DIAPH3: variants seen among roughly 807,000 people sequenced by gnomAD.
DIAPH3 encodes the protein diaphanous related formin 3.
DIAPH3 carries 117 observed loss-of-function variants against 144.3 expected under a neutral mutation model. That is an observed-to-expected ratio of 0.81 (90% CI 0.70 to 0.95). DIAPH3 has a LOEUF of 0.95. Among genes scored for constraint, DIAPH3 ranks in the 40% least tolerant of loss-of-function variants. DIAPH3 has a pLI of 0.00. For missense variants in DIAPH3, 1,421 were observed against 1,412.7 expected, an observed-to-expected ratio of 1.01 and a Z score of -0.09; for synonymous variants, 519 against 488.9, an observed-to-expected ratio of 1.06 and a Z score of -0.81.
chr13:59,856,813 G>A (rs2139895622), intron 22 of DIAPH3, among the ~76,000 whole-genome samples: 1 of 151,394 alleles, frequency 6.6e-6, no homozygotes, highest in South Asian at 2.1e-4. Flanking sequence ...CCACATGGTT[G>A]TCTTCTATAA....
intron 5 of DIAPH3, among the ~76,000 whole-genome samples, chr13:60,035,172 A>G (rs1198726619): frequency 6.6e-6 from 1 of 152,208 alleles, no homozygotes; most frequent in East Asian, 1.9e-4. Context: ...AATTGAGCTG[A>G]GTAGCTCTTA....
intron 27 of DIAPH3, among the ~76,000 whole-genome samples, chr13:59,769,235 A>G (rs2038001554): frequency 6.6e-6 from 1 of 152,132 alleles, no homozygotes; most frequent in African/African-American, 2.4e-5. Flanking sequence ...ATCCTGAAAA[A>G]CACCAGTCAC....
At chr13:59,851,948 A>ATT (rs201849666) in intron 22 of DIAPH3, among the ~76,000 whole-genome samples, 1 of 147,736 alleles carries the variant, frequency 6.8e-6, no homozygotes, top group Non-Finnish European at 1.5e-5. Context: ...AACTAACTTT[A>ATT]TTTTTTTTTT....
intron 18 of DIAPH3, among the ~76,000 whole-genome samples, chr13:59,922,004 C>G (rs1433839013): frequency 1.3e-5 from 2 of 152,100 alleles, no homozygotes; most frequent in South Asian, 4.2e-4. Flanking sequence ...ATTCATCATT[C>G]TTTTATGATA....
chr13:60,133,397 T>C (rs1028142705), intron 1 of DIAPH3, among the ~76,000 whole-genome samples: 2 of 152,078 alleles, frequency 1.3e-5, no homozygotes, highest in African/African-American at 4.8e-5. Flanking sequence ...TGTGATGATT[T>C]TTCAGAAAAT....
At chr13:59,963,456 C>G (rs1474922192) in intron 17 of DIAPH3, among the ~76,000 whole-genome samples, 2 of 152,076 alleles carry the variant, frequency 1.3e-5, no homozygotes, top group Non-Finnish European at 2.9e-5. Context: ...ATTTGCTATA[C>G]TATTTATTTA....
At chr13:59,758,546 A>C (rs2037403732) in intron 27 of DIAPH3, among the ~76,000 whole-genome samples, 1 of 152,234 alleles carries the variant, frequency 6.6e-6, no homozygotes, top group African/African-American at 2.4e-5. Flanking sequence ...TGATCTGGTT[A>C]TACAGGCAAG....
At chr13:60,075,155 C>G (rs990152078) in intron 4 of DIAPH3, among the ~76,000 whole-genome samples, 9 of 152,098 alleles carry the variant, frequency 5.9e-5, no homozygotes, top group South Asian at 2.1e-4. Context: ...ACAAAAAATG[C>G]TCTCCATACC....
chr13:60,085,254 A>G (rs2057707806), intron 4 of DIAPH3, among the ~76,000 whole-genome samples: 1 of 152,128 alleles, frequency 6.6e-6, no homozygotes, highest in Non-Finnish European at 1.5e-5. Context: ...ACTAGTATGT[A>G]TGGTACTTGA....
At chr13:60,039,777 C>A (rs887378529) in intron 5 of DIAPH3, among the ~76,000 whole-genome samples, 6 of 151,998 alleles carry the variant, frequency 3.9e-5, no homozygotes, top group African/African-American at 1.4e-4. Context: ...ATTAGAAATT[C>A]TTTTTAGTCA....
intron 4 of DIAPH3, among the ~76,000 whole-genome samples, chr13:60,062,625 A>T (rs2056816588): frequency 6.6e-6 from 1 of 152,250 alleles, no homozygotes. Context: ...ACTGTGAAGG[A>T]ACTTGAACAA....
intron 25 of DIAPH3, among the ~76,000 whole-genome samples, chr13:59,792,960 C>T (rs1009159227): frequency 2.0e-5 from 3 of 152,208 alleles, no homozygotes; most frequent in Non-Finnish European, 4.4e-5. Context: ...ATTCAGCACT[C>T]CTCTGTGTTT....
At chr13:59,667,668 C>T (rs1431166068) in intron 27 of DIAPH3, among the ~76,000 whole-genome samples, 1 of 152,172 alleles carries the variant, frequency 6.6e-6, no homozygotes, top group Non-Finnish European at 1.5e-5. Context: ...TACATATATA[C>T]ATACACACAT....
intron 24 of DIAPH3, among the ~76,000 whole-genome samples, chr13:59,824,132 A>G (rs1003315806): frequency 2.0e-5 from 3 of 152,188 alleles, no homozygotes; most frequent in African/African-American, 7.2e-5. Flanking sequence ...CTATTTATTT[A>G]TTTCACAGTA....
rs11421911 is a variant in DIAPH3, at chr13:59,666,357, C to CAAAAA, written c.*222_*226dup. 9.9e-6 allele frequency: 3 copies of CAAAAA among 302,176 alleles called. No homozygotes were observed. Among genetic ancestry groups the CAAAAA allele is most frequent in the Non-Finnish European group, 1.7e-5 (3 of 178,030 alleles). The allele number at this position is 302,176 out of a possible 1,614,324, so 18.7% of individuals were successfully genotyped here. ...TAAAGAACTGAGGAATACCAGGAGA[C>CAAAAA]AAAAAAAAAAAAAAAAGGATTAAAG... On this transcript the variant is annotated 3_prime_UTR_variant, in exon 28 of 28. Coordinates refer to ENST00000400324, the MANE Select transcript of DIAPH3 (RefSeq NM_001042517.2).
chr13:59,969,108 A>G (rs766419962), intron 17 of DIAPH3, among the ~76,000 whole-genome samples: 4 of 152,214 alleles, frequency 2.6e-5, no homozygotes, highest in Non-Finnish European at 5.9e-5. Context: ...TTCTGTGTGG[A>G]TATCAGCCTT....
At chr13:60,141,339 C>CCAA (rs34953966) in intron 1 of DIAPH3, among the ~76,000 whole-genome samples, 96,279 of 151,634 alleles carry the variant, frequency 0.63, 31,022 homozygotes, top group Admixed American at 0.72. Flanking sequence ...CACAATTAGG[C>CCAA]CAACATGTGT....
intron 27 of DIAPH3, among the ~76,000 whole-genome samples, chr13:59,714,603 CT>C (rs961041762): frequency 2.0e-5 from 3 of 151,646 alleles, no homozygotes; most frequent in Admixed American, 6.6e-5. Context: ...ATAACTTTAC[CT>C]TTTTTTTGTC....
intron 20 of DIAPH3, among the ~76,000 whole-genome samples, chr13:59,894,584 C>T (rs755742341): frequency 8.4e-5 from 9 of 106,636 alleles, no homozygotes; most frequent in Non-Finnish European, 1.6e-4. Context: ...CCCCCCACCC[C>T]TCAAAAGCAC....
Sources: allele counts gnomAD v4.1 joint callset (sites outside exome capture counted in the v4.1 genomes callset), GRCh38; gene constraint gnomAD v4.1.1; transcripts MANE v1.5; gene names NCBI Gene and HGNC (gene_info 2026-07-23, HGNC 2026-07-21).